Variants in DCT observed in about 807,000 individuals in gnomAD.
The protein encoded by DCT is dopachrome tautomerase, also known as L-dopachrome tautomerase.
Under a neutral mutation model 53.0 loss-of-function variants are expected in DCT, and 47 were observed. That is an observed-to-expected ratio of 0.89 (90% CI 0.70 to 1.13). The LOEUF (loss-of-function observed/expected upper bound fraction) is 1.13, where lower values mean the gene tolerates loss of function less well. Ranked by LOEUF, DCT falls within the 50% of genes most tolerant of loss-of-function variation. The probability of loss-of-function intolerance (pLI) is 0.00; values close to 1 mark genes in which losing one functional copy is unlikely to be tolerated. For missense variants in DCT, 669 were observed against 637.4 expected, an observed-to-expected ratio of 1.05 and a Z score of -0.53; for synonymous variants, 244 against 237.0, an observed-to-expected ratio of 1.03 and a Z score of -0.27.
At chr13:94,472,546 ATATATATATATATATATATATATTTTTTT>A (rs1884762891) in intron 1 of DCT, among the ~76,000 whole-genome samples, 6 of 25,582 alleles carry the variant, frequency 2.3e-4, no homozygotes, top group South Asian at 2.9e-3. Context: ...ATATATATAT[ATATATATATATATATATATATATTTTTTT>A]TTTTTTTTTT....
the DCT span, among the ~76,000 whole-genome samples, chr13:94,544,218 A>T: frequency 6.6e-6 from 1 of 152,118 alleles, no homozygotes; most frequent in Non-Finnish European, 1.5e-5. Context: ...TATGCCTCCT[A>T]TCTCAAAGGA....
At chr13:94,548,960 G>T in the DCT span, among the ~76,000 whole-genome samples, 1 of 151,392 alleles carries the variant, frequency 6.6e-6, no homozygotes, top group Non-Finnish European at 1.5e-5. Context: ...GTTCTCAGGC[G>T]GTGCTGATGC....
the DCT span, among the ~76,000 whole-genome samples, chr13:94,544,599 A>G: frequency 6.6e-6 from 1 of 152,218 alleles, no homozygotes; most frequent in Non-Finnish European, 1.5e-5. Flanking sequence ...CTATCCTCCA[A>G]GATGATCCAT....
chr13:94,439,709 G>A lies in DCT; in HGVS notation c.*189C>T, dbSNP rs905056582. On this transcript the variant is annotated 3_prime_UTR_variant, in exon 8 of 8. Coordinates refer to ENST00000377028, the MANE Select transcript of DCT (RefSeq NM_001922.5). ...GAGGTAGCCTCAAGCACTTTAGTTG[G>A]GTTTGTTAAACAAGCAAGCAAAGCG... 1.4e-5 allele frequency: 6 copies of A among 439,378 alleles called. No individual in the cohort carries two copies. Among genetic ancestry groups the A allele is most frequent in the African/African-American group, 1.2e-4 (6 of 49,492 alleles). 27.2% of individuals were successfully genotyped at this position (439,378 alleles called of 1,614,324 possible).
the DCT span, among the ~76,000 whole-genome samples, chr13:94,485,398 G>A: frequency 6.6e-6 from 1 of 152,090 alleles, no homozygotes. Context: ...CCACAATGGA[G>A]GCACCTGTAT....
At chr13:94,442,847 C>A (rs1882435441) in intron 7 of DCT, among the ~76,000 whole-genome samples, 1 of 152,082 alleles carries the variant, frequency 6.6e-6, no homozygotes, top group Non-Finnish European at 1.5e-5. Flanking sequence ...AAAAGTCTGC[C>A]TTTATTTAAA....
intron 5 of DCT, 35 bp downstream of exon 5, chr13:94,461,975 G>A: frequency 1.3e-6 from 2 of 1,588,818 alleles, no homozygotes; most frequent in East Asian, 2.2e-5. Context: ...AACCTGTACT[G>A]TACAGGCAGG....
At chr13:94,463,735 A>G (rs987089433) in intron 4 of DCT, among the ~76,000 whole-genome samples, 18 of 152,144 alleles carry the variant, frequency 1.2e-4, no homozygotes, top group African/African-American at 4.1e-4. Flanking sequence ...AAATTTAAAG[A>G]TGTTATTGTG....
the DCT span, among the ~76,000 whole-genome samples, chr13:94,533,688 G>A: frequency 2.8e-4 from 42 of 152,260 alleles, no homozygotes; most frequent in Admixed American, 7.8e-4. Context: ...GGGAGGCTGA[G>A]GCAGGAGAAT....
chr13:94,503,686 A>C, the DCT span, among the ~76,000 whole-genome samples: 57,649 of 151,946 alleles, frequency 0.38, 11,405 homozygotes, highest in East Asian at 0.61. Context: ...GATGGGTTCT[A>C]CCCTAGAACC....
At chr13:94,498,092 A>C in the DCT span, among the ~76,000 whole-genome samples, 3 of 152,054 alleles carry the variant, frequency 2.0e-5, no homozygotes, top group Non-Finnish European at 2.9e-5. Context: ...CTAAACCTCT[A>C]CTCCCTCAGG....
the DCT span, among the ~76,000 whole-genome samples, chr13:94,548,851 A>T: frequency 1.3e-5 from 2 of 152,214 alleles, no homozygotes; most frequent in African/African-American, 4.8e-5. Flanking sequence ...TTTTAGAAAC[A>T]GAAAGGAACG....
the DCT span, among the ~76,000 whole-genome samples, chr13:94,521,298 G>T: frequency 3.3e-5 from 5 of 152,218 alleles, no homozygotes; most frequent in Non-Finnish European, 7.3e-5. Flanking sequence ...GCTTGTTAAA[G>T]TTAGTTACTA....
the DCT span, among the ~76,000 whole-genome samples, chr13:94,497,365 GTC>G: frequency 1.3e-5 from 2 of 152,130 alleles, no homozygotes; most frequent in Non-Finnish European, 2.9e-5. Context: ...AAATAAATCT[GTC>G]TCTCTAGGTG....
In DCT at chr13:94,438,388, A is replaced by G. The variant is rs1882043449; in HGVS notation, c.*1510T>C. 1 of 228,118 alleles carries G rather than the reference A, an allele frequency of 4.4e-6. No individual in the cohort carries two copies. Among genetic ancestry groups the G allele is most frequent in the Non-Finnish European group, 8.9e-6 (1 of 111,920 alleles). The allele number at this position is 228,118 out of a possible 1,614,324, so 14.1% of individuals were successfully genotyped here. The stretch of plus-strand genomic sequence containing the variant: ...ATGCACCTGTAGCTTTATGAGATTC[A>G]AATTCAGTTCCAACTGGGCTTTGTC... On this transcript the variant is annotated 3_prime_UTR_variant, in exon 8 of 8. Transcript: ENST00000377028.
the DCT span, among the ~76,000 whole-genome samples, chr13:94,547,640 T>TC: frequency 6.6e-6 from 1 of 151,890 alleles, no homozygotes; most frequent in Non-Finnish European, 1.5e-5. Context: ...CTGCATCCTT[T>TC]CCCTACTCTT....
At chr13:94,531,137 A>G in the DCT span, among the ~76,000 whole-genome samples, 1 of 152,196 alleles carries the variant, frequency 6.6e-6, no homozygotes, top group Non-Finnish European at 1.5e-5. Context: ...AACGAAATAA[A>G]AGAGGACACA....
the DCT span, among the ~76,000 whole-genome samples, chr13:94,542,959 C>A: frequency 6.6e-6 from 1 of 152,018 alleles, no homozygotes; most frequent in Non-Finnish European, 1.5e-5. Context: ...TTACAAAGGA[C>A]GTTTTCATAC....
upstream of DCT, among the ~76,000 whole-genome samples, chr13:94,484,247 C>T (rs995051211): frequency 2.0e-5 from 3 of 152,160 alleles, no homozygotes; most frequent in Admixed American, 6.5e-5. Context: ...CTCACGTCTG[C>T]TCCCACCCCA....
Sources: allele counts gnomAD v4.1 joint callset (sites outside exome capture counted in the v4.1 genomes callset), GRCh38; gene constraint gnomAD v4.1.1; transcripts MANE v1.5; gene names NCBI Gene and HGNC (gene_info 2026-07-23, HGNC 2026-07-21).